The following CD226 variants were observed in gnomAD, a reference collection of about 807,000 sequenced individuals.
The protein encoded by CD226 is CD226 molecule.
Under a neutral mutation model 34.9 loss-of-function variants are expected in CD226, and 24 were observed. The observed-to-expected ratio is 0.69, with a 90% CI of 0.50 to 0.97. The LOEUF (loss-of-function observed/expected upper bound fraction) is 0.97. CD226 is among the 50% of genes least tolerant of loss of function. The pLI, the probability that CD226 is intolerant of heterozygous loss-of-function variation, is 0.00. For missense variants in CD226, 397 were observed against 412.7 expected (o/e 0.96, Z 0.33); for synonymous variants, 148 against 147.4 (o/e 1.00, Z -0.03).
In CD226 at chr18:69,857,296, T is replaced by C. The variant is rs1206324494; in HGVS notation, c.*7018A>G. 6.6e-6 allele frequency: 1 copy of C among 152,256 alleles called. No homozygotes were observed. The highest frequency in any genetic ancestry group is 1.5e-5 in the Non-Finnish European group (1 of 68,052). 9.4% of individuals were successfully genotyped at this position (152,256 alleles called of 1,614,324 possible). A position where few individuals can be genotyped will look rare whatever the true frequency, so the allele number is the denominator to read the frequency against. On this transcript the variant is annotated 3_prime_UTR_variant, in exon 6 of 6. Coordinates refer to ENST00000582621, the MANE Select transcript of CD226 (RefSeq NM_001303618.2). ...GCCATTACATTTCTTTGTACATTTT[T>C]TATGTGAGCTAAAATCAAAATTTGC...
intron 1 of CD226, among the ~76,000 whole-genome samples, chr18:69,954,903 T>G (rs1036946356): frequency 3.9e-5 from 6 of 152,202 alleles, no homozygotes; most frequent in African/African-American, 1.4e-4. Context: ...ATTTTTGTTG[T>G]GTCAGCAGCC....
rs370655905 is a variant in CD226 at position 69,858,053 on chromosome 18, G to A, written c.*6261C>T. On this transcript the variant is annotated 3_prime_UTR_variant, in exon 6 of 6. Coordinates refer to ENST00000582621, the MANE Select transcript of CD226 (RefSeq NM_001303618.2). ...AGAAAAATATGCAATGTATACATGCGGATGATTAGTAAACCCTAATATCCA... is the reference window on the plus strand; with the variant it reads ...AGAAAAATATGCAATGTATACATGCAGATGATTAGTAAACCCTAATATCCA... 12 of 152,248 alleles carry A rather than the reference G, an allele frequency of 7.9e-5. No homozygotes were observed. The highest frequency in any genetic ancestry group is 5.2e-4 in the Admixed American group (8 of 15,284). The allele number at this position is 152,248 out of a possible 1,614,324, so 9.4% of individuals were successfully genotyped here.
Position 69,880,195 on chromosome 18 carries a change from G to A in CD226, c.728-6949C>T, listed in dbSNP as rs542466064. On this transcript the variant is annotated intron_variant, in intron 3 of 5. Transcript: ENST00000582621. ...GAAAGGAATGGAAGGGAAGGAAAGC[G>A]GGGGAGGAAGGCAGGCAGGCAGGCA... Among the ~76,000 whole-genome samples, 26 of 123,274 alleles carry A rather than the reference G, an allele frequency of 2.1e-4. No individual in the cohort carries two copies. The East Asian group carries it at 3.6e-3, about 17-fold the overall frequency. The allele number at this position is 123,274 out of a possible 152,430, so 80.9% of individuals were successfully genotyped here.
At chr18:69,954,992 C>T (rs1212788842) in intron 1 of CD226, among the ~76,000 whole-genome samples, 1 of 151,980 alleles carries the variant, frequency 6.6e-6, no homozygotes, top group Non-Finnish European at 1.5e-5. Flanking sequence ...AGAGCTTTGT[C>T]CTCAAGGAAG....
At chr18:69,949,522 G>C (rs534014788), upstream of CD226, among the ~76,000 whole-genome samples, 1 of 152,252 alleles carries the variant, frequency 6.6e-6, no homozygotes, top group South Asian at 2.1e-4. Flanking sequence ...CCTGAGGACA[G>C]GGTCCCCCTA....
intron 1 of CD226, chr18:69,956,566 AC>A (rs1446670461): frequency 6.6e-6 from 1 of 152,198 alleles, no homozygotes; most frequent in Non-Finnish European, 1.5e-5. Flanking sequence ...TACAAACTGC[AC>A]CCCTCATTAA....
chr18:69,923,526 C>A (rs987784836), intron 2 of CD226, among the ~76,000 whole-genome samples: 2 of 152,066 alleles, frequency 1.3e-5, no homozygotes, highest in South Asian at 4.2e-4. Context: ...GAGAACTGAC[C>A]AATGGAAATT....
At chr18:69,923,089 C>T (rs143290791) in intron 2 of CD226, among the ~76,000 whole-genome samples, 13 of 151,458 alleles carry the variant, frequency 8.6e-5, no homozygotes, top group South Asian at 2.1e-4. Flanking sequence ...TCCGAGATTG[C>T]GCCACTACAC....
chr18:69,911,633 TC>T (rs2055326473), intron 2 of CD226, among the ~76,000 whole-genome samples: 1 of 152,146 alleles, frequency 6.6e-6, no homozygotes, highest in African/African-American at 2.4e-5. Context: ...AATACCCAAT[TC>T]ACTCAAAATG....
At chr18:69,909,694 T>C (rs1287043066) in intron 2 of CD226, among the ~76,000 whole-genome samples, 7 of 152,224 alleles carry the variant, frequency 4.6e-5, no homozygotes, top group Non-Finnish European at 8.8e-5. Flanking sequence ...ATGGTATTTA[T>C]TTTGGATTTG....
At chr18:69,895,418 C>T (rs979538755) in intron 3 of CD226, among the ~76,000 whole-genome samples, 8 of 152,090 alleles carry the variant, frequency 5.3e-5, no homozygotes, top group Admixed American at 2.0e-4. Context: ...GCTGGTAATA[C>T]CATATGTTTT....
intron 5 of CD226, among the ~76,000 whole-genome samples, chr18:69,865,673 C>A (rs958123130): frequency 2.0e-5 from 3 of 152,134 alleles, no homozygotes; most frequent in Non-Finnish European, 4.4e-5. Context: ...CATCAAGAAG[C>A]AATCCATGTT....
chr18:69,911,179 G>A (rs1159571596), intron 2 of CD226, among the ~76,000 whole-genome samples: 6 of 152,200 alleles, frequency 3.9e-5, no homozygotes, highest in Non-Finnish European at 8.8e-5. Context: ...GCACATGTGA[G>A]TTAATCTTAT....
intron 2 of CD226, among the ~76,000 whole-genome samples, chr18:69,907,513 T>G (rs1015449140): frequency 6.6e-6 from 1 of 152,208 alleles, no homozygotes. Context: ...TTTTGCCATG[T>G]TGGCCAGGCT....
At chr18:69,940,956 C>T (rs983510111) in intron 2 of CD226, among the ~76,000 whole-genome samples, 1 of 152,188 alleles carries the variant, frequency 6.6e-6, no homozygotes, top group African/African-American at 2.4e-5. Context: ...CTCTATGCAG[C>T]CTCGGGACTG....
intron 3 of CD226, among the ~76,000 whole-genome samples, chr18:69,883,507 A>G (rs1984384434): frequency 6.6e-6 from 1 of 152,234 alleles, no homozygotes; most frequent in South Asian, 2.1e-4. Context: ...CTCAGAGGAC[A>G]CCAGGACAGC....
intron 4 of CD226, among the ~76,000 whole-genome samples, chr18:69,868,609 C>A (rs932366762): frequency 1.2e-4 from 19 of 152,036 alleles, no homozygotes; most frequent in African/African-American, 4.1e-4. Flanking sequence ...TAAATTAGAT[C>A]ATTTACTCCT....
intron 4 of CD226, 95 bp from the exon 5 acceptor site, chr18:69,867,506 A>G (rs1001753068): frequency 2.2e-5 from 17 of 778,420 alleles, no homozygotes; most frequent in Non-Finnish European, 3.8e-5. Flanking sequence ...CCTAGCCCAC[A>G]TGCACCTTCT....
At chr18:69,928,506 A>C (rs1231353396) in intron 2 of CD226, among the ~76,000 whole-genome samples, 2 of 152,230 alleles carry the variant, frequency 1.3e-5, no homozygotes, top group African/African-American at 4.8e-5. Flanking sequence ...ATCCGGGGGA[A>C]TGCAGGAAAC....
Sources: gnomAD v4.1 joint callset for allele counts (sites outside exome capture counted in the v4.1 genomes callset) on GRCh38, gnomAD v4.1.1 for gene constraint, MANE v1.5 for transcripts, NCBI Gene and HGNC (gene_info 2026-07-23, HGNC 2026-07-21) for gene names.